The following NR1I2 variants were observed in gnomAD, a reference collection of about 807,000 sequenced individuals.
The protein encoded by NR1I2 is nuclear receptor subfamily 1 group I member 2.
Under a neutral mutation model 43.3 loss-of-function variants are expected in NR1I2, and 42 were observed. The observed-to-expected ratio is 0.97, with a 90% CI of 0.76 to 1.26. NR1I2 has a LOEUF of 1.26. NR1I2 is among the 50% of genes most tolerant of loss of function. NR1I2 has a pLI of 0.00. For missense variants in NR1I2, 559 were observed against 566.7 expected (o/e 0.99, Z 0.14); for synonymous variants, 229 against 215.0 (o/e 1.06, Z -0.57).
intron 1 of NR1I2, among the ~76,000 whole-genome samples, chr3:119,806,327 C>A (rs2055160073): frequency 6.6e-6 from 1 of 152,176 alleles, no homozygotes; most frequent in Admixed American, 6.5e-5. Flanking sequence ...CTTTATCACC[C>A]AGGCTAGAGT....
chr3:119,812,923 G>T lies in NR1I2; in HGVS notation c.757G>T (p.Gly253Cys). ...TGACATGTCAACCTACATGTTCAAAGGCATCATCAGCTTTGCCAAAGTCAT... is the reference window on the plus strand; with the variant it reads ...TGACATGTCAACCTACATGTTCAAATGCATCATCAGCTTTGCCAAAGTCAT... The change falls in exon 5 of 9, where the codon GGC (glycine) becomes TGC (cysteine). Residue 253 changes from glycine (G) to cysteine (C), a missense_variant. Physicochemically the swap from Gly to Cys is radical, Grantham distance 159. Coordinates refer to ENST00000393716, the MANE Select transcript of NR1I2 (RefSeq NM_003889.4). The T allele has an allele frequency of 3.7e-6, 6 of 1,614,016 alleles. No homozygotes were observed. Among genetic ancestry groups the T allele is most frequent in the Non-Finnish European group, 5.1e-6 (6 of 1,180,046 alleles).
At chr3:119,809,761 A>G (rs1229515754) in intron 2 of NR1I2, among the ~76,000 whole-genome samples, 2 of 152,052 alleles carry the variant, frequency 1.3e-5, no homozygotes, top group Non-Finnish European at 2.9e-5. Flanking sequence ...CCTGGAGAGG[A>G]AGTGTCCCTG....
At position 119,797,992 on chromosome 3, in the gene NR1I2, T is replaced by C. The variant is rs549547321; in HGVS notation, c.-22-9237T>C. Among the ~76,000 whole-genome samples the C allele has an allele frequency of 6.7e-4, 102 of 152,316 alleles. 1 individual carries two copies. Among genetic ancestry groups the C allele is most frequent in the African/African-American group, 2.3e-3 (97 of 41,564 alleles). On this transcript the variant is annotated intron_variant, in intron 1 of 8. Transcript: ENST00000393716. ...ATTTCTTTGTGGTTAATTTTTTTTT[T>C]CTGGGTATTTGTAAGATTAGTTTTC...
At chr3:119,810,575 G>A (rs2055225640) in intron 3 of NR1I2, 2 of 271,172 alleles carry the variant, frequency 7.4e-6, no homozygotes, top group Non-Finnish European at 1.4e-5. Flanking sequence ...CCACATGGGT[G>A]ATAGGACCCG....
chr3:119,792,149 C>T (rs113012837), intron 1 of NR1I2: 24 of 856,982 alleles, frequency 2.8e-5, no homozygotes, highest in East Asian at 1.2e-4. Flanking sequence ...TCACCAGGAT[C>T]GGAGAAGACT....
intron 1 of NR1I2, among the ~76,000 whole-genome samples, chr3:119,804,833 C>CT (rs1180140991): frequency 1.3e-5 from 2 of 152,046 alleles, no homozygotes; most frequent in African/African-American, 4.8e-5. Flanking sequence ...TTCTTTTGAA[C>CT]TTTTTTCCTT....
intron 1 of NR1I2, chr3:119,791,914 C>G (rs553682283): frequency 9.8e-4 from 628 of 642,700 alleles, no homozygotes; most frequent in Middle Eastern, 1.8e-3. Flanking sequence ...AACATGGATG[C>G]TGGGCACAGA....
Position 119,817,438 on chromosome 3 carries a change from C to T in NR1I2, c.*226C>T, listed in dbSNP as rs746352076. 4.8e-5 allele frequency: 68 copies of T among 1,406,274 alleles called. No individual in the cohort carries two copies. The highest frequency in any genetic ancestry group is 2.7e-4 in the Middle Eastern group (1 of 3,712). The allele number at this position is 1,406,274 out of a possible 1,614,324, so 87.1% of individuals were successfully genotyped here. On this transcript the variant is annotated 3_prime_UTR_variant, in exon 9 of 9. Coordinates refer to ENST00000393716, the MANE Select transcript of NR1I2 (RefSeq NM_003889.4). ...TAGGGAGTGAAGCCACAGACTCTTA[C>T]GTGGAGAGTGCACTGACCTGTAGGT...
At chr3:119,811,269 G>C in intron 3 of NR1I2, 1 of 380,054 alleles carries the variant, frequency 2.6e-6, no homozygotes. Flanking sequence ...TCTGAAGCCC[G>C]TGCTCTTGCC....
chr3:119,804,925 C>G (rs2055131212), intron 1 of NR1I2, among the ~76,000 whole-genome samples: 1 of 152,100 alleles, frequency 6.6e-6, no homozygotes, highest in South Asian at 2.1e-4. Flanking sequence ...TTTCAACAAG[C>G]ACACTTTACT....
intron 1 of NR1I2, among the ~76,000 whole-genome samples, chr3:119,786,306 G>T (rs2054842362): frequency 6.6e-6 from 1 of 152,292 alleles, no homozygotes; most frequent in African/African-American, 2.4e-5. Flanking sequence ...AGGACAGGAG[G>T]AATGTGTAGG....
intron 1 of NR1I2, among the ~76,000 whole-genome samples, chr3:119,790,014 C>A (rs546954669): frequency 3.9e-5 from 6 of 152,070 alleles, no homozygotes; most frequent in Non-Finnish European, 5.9e-5. Flanking sequence ...AGTATGTTTT[C>A]ATCGTTGTGC....
chr3:119,816,190 C>T (rs2055326123), intron 8 of NR1I2, among the ~76,000 whole-genome samples: 1 of 152,200 alleles, frequency 6.6e-6, no homozygotes, highest in Non-Finnish European at 1.5e-5. Flanking sequence ...AAACTGAAAT[C>T]CTTATTTGGC....
intron 4 of NR1I2, among the ~76,000 whole-genome samples, chr3:119,812,284 A>G (rs1490784519): frequency 6.6e-6 from 1 of 152,134 alleles, no homozygotes; most frequent in African/African-American, 2.4e-5. Context: ...TTCACAGCCC[A>G]AATAACTGGA....
At chr3:119,798,829 T>C (rs1452446444) in intron 1 of NR1I2, among the ~76,000 whole-genome samples, 2 of 152,212 alleles carry the variant, frequency 1.3e-5, no homozygotes, top group East Asian at 3.8e-4. Flanking sequence ...TCACTTAGAA[T>C]GTTTTCAAGG....
At chr3:119,788,273 C>G (rs1379515343) in intron 1 of NR1I2, among the ~76,000 whole-genome samples, 2 of 151,248 alleles carry the variant, frequency 1.3e-5, no homozygotes, top group Non-Finnish European at 2.9e-5. Flanking sequence ...GCCACCATGC[C>G]CAGACACTTT....
At chr3:119,799,822 A>G (rs1361922212) in intron 1 of NR1I2, among the ~76,000 whole-genome samples, 1 of 152,160 alleles carries the variant, frequency 6.6e-6, no homozygotes, top group Non-Finnish European at 1.5e-5. Flanking sequence ...TCTACTAAAA[A>G]TACAAAAATT....
chr3:119,805,592 A>G (rs976007884), intron 1 of NR1I2, among the ~76,000 whole-genome samples: 2 of 151,740 alleles, frequency 1.3e-5, no homozygotes, highest in Non-Finnish European at 2.9e-5. Flanking sequence ...AGTCCCAGCT[A>G]CTCAAGAGGC....
At chr3:119,786,012 T>C (rs902248508) in intron 1 of NR1I2, among the ~76,000 whole-genome samples, 19 of 152,232 alleles carry the variant, frequency 1.2e-4, no homozygotes, top group Admixed American at 3.3e-4. Context: ...TGAATGAATA[T>C]TGAGTTTTAT....
Sources: gnomAD v4.1 joint callset for allele counts (sites outside exome capture counted in the v4.1 genomes callset) on GRCh38, gnomAD v4.1.1 for gene constraint, MANE v1.5 for transcripts, NCBI Gene and HGNC (gene_info 2026-07-23, HGNC 2026-07-21) for gene names.